Variants in TYW3 observed in about 807,000 individuals in gnomAD.
The protein encoded by TYW3 is tRNA-yW synthesizing protein 3 homolog.
In TYW3, 26 loss-of-function variants were observed where a neutral mutation model predicts 23.1. The observed-to-expected ratio is 1.13, with a 90% confidence interval of 0.83 to 1.56. The LOEUF (loss-of-function observed/expected upper bound fraction) is 1.56. TYW3 is among the 40% of genes most tolerant of loss of function. The probability of loss-of-function intolerance (pLI) is 0.00; values close to 1 mark genes in which losing one functional copy is unlikely to be tolerated. For synonymous variants in TYW3, 102 were observed against 105.7 expected (o/e 0.97, Z 0.21); for missense variants, 316 against 311.9 (o/e 1.01, Z -0.10).
intron 4 of TYW3, 67 bp downstream of exon 4, chr1:74,748,889 A>C: frequency 1.5e-6 from 2 of 1,369,980 alleles, no homozygotes; most frequent in Non-Finnish European, 2.1e-6. Context: ...TAACCTAATT[A>C]GACTCCTGCC....
intron 3 of TYW3, among the ~76,000 whole-genome samples, chr1:74,741,384 C>T (rs1002347017): frequency 2.7e-5 from 4 of 146,972 alleles, no homozygotes; most frequent in Non-Finnish European, 4.6e-5. Context: ...TCTTGGGACT[C>T]CTGAGCTGAT....
chr1:74,738,592 T>C (rs1648234332), intron 2 of TYW3, 98 bp from the exon 3 acceptor site: 7 of 733,502 alleles, frequency 9.5e-6, no homozygotes, highest in African/African-American at 1.8e-5. Flanking sequence ...TGAGTGATTC[T>C]GAAAATTTCT....
chr1:74,735,643 C>T (rs904592086), intron 1 of TYW3, among the ~76,000 whole-genome samples: 4 of 152,214 alleles, frequency 2.6e-5, no homozygotes, highest in Non-Finnish European at 5.9e-5. Context: ...AATCCCACCA[C>T]TAGATCCTGT....
At chr1:74,747,736 T>A (rs1282381545) in intron 3 of TYW3, among the ~76,000 whole-genome samples, 1 of 150,914 alleles carries the variant, frequency 6.6e-6, no homozygotes, top group African/African-American at 2.4e-5. Context: ...TACACATATA[T>A]ACACACACAT....
At chr1:74,733,567 A>T (rs1213593394) in intron 1 of TYW3, 149 bp downstream of exon 1, 2 of 1,434,996 alleles carry the variant, frequency 1.4e-6, no homozygotes, top group East Asian at 5.0e-5. Flanking sequence ...AATTTAGGGG[A>T]TTAGATCAGT....
At chr1:74,759,919 C>T (rs965895841) in intron 5 of TYW3, among the ~76,000 whole-genome samples, 3 of 152,162 alleles carry the variant, frequency 2.0e-5, no homozygotes, top group Admixed American at 6.5e-5. Flanking sequence ...GTTGGGATTA[C>T]ATGCATAAGC....
intron 3 of TYW3, among the ~76,000 whole-genome samples, chr1:74,742,212 G>A (rs1648385360): frequency 6.6e-6 from 1 of 152,196 alleles, no homozygotes; most frequent in Admixed American, 6.5e-5. Context: ...AGAGGCCTTA[G>A]GATGAACTAA....
intron 3 of TYW3, among the ~76,000 whole-genome samples, chr1:74,740,391 G>T (rs1648310938): frequency 6.6e-6 from 1 of 152,226 alleles, no homozygotes; most frequent in South Asian, 2.1e-4. Flanking sequence ...AGACTGAGCA[G>T]CAGCAAGATT....
chr1:74,763,787 C>T (rs548834018), intron 5 of TYW3, 107 bp from the exon 6 acceptor site: 3 of 729,040 alleles, frequency 4.1e-6, no homozygotes, highest in African/African-American at 1.8e-5. Context: ...ATTTATAAAG[C>T]TAATATGGGA....
At chr1:74,757,856 G>A (rs1257718572) in intron 5 of TYW3, among the ~76,000 whole-genome samples, 1 of 152,090 alleles carries the variant, frequency 6.6e-6, no homozygotes, top group African/African-American at 2.4e-5. Flanking sequence ...TTAAAAACGG[G>A]AGTCTTCCTG....
rs1649254312 is a variant in TYW3, at chr1:74,765,008, T to A, written c.*895T>A. On this transcript the variant is annotated 3_prime_UTR_variant, in exon 6 of 6. Transcript: ENST00000370867. Reference sequence around the variant, plus strand: ...AGTGTTTCCTTAATATGGCTGCATATCAGAATTACCTAGGTCAGGACGAGG... The same window carrying A: ...AGTGTTTCCTTAATATGGCTGCATAACAGAATTACCTAGGTCAGGACGAGG... 2 of 152,120 alleles carry A rather than the reference T, an allele frequency of 1.3e-5. No homozygotes were observed. The highest frequency in any genetic ancestry group is 6.6e-5 in the Admixed American group (1 of 15,250). The allele number at this position is 152,120 out of a possible 1,614,324, so 9.4% of individuals were successfully genotyped here.
At position 74,765,871 on chromosome 1, in the gene TYW3, G is replaced by T. The variant is rs1287954603; in HGVS notation, c.*1758G>T. ...CTGCTTCCTAATCTGTTTATATAAG[G>T]TATAGTATAGTATAATCTGTTTATA... On this transcript the variant is annotated 3_prime_UTR_variant, in exon 6 of 6. Transcript: ENST00000370867. The T allele has an allele frequency of 6.6e-6, 1 of 152,046 alleles. No homozygotes were observed. Among genetic ancestry groups the T allele is most frequent in the African/African-American group, 2.4e-5 (1 of 41,386 alleles). 9.4% of individuals were successfully genotyped at this position (152,046 alleles called of 1,614,324 possible).
intron 5 of TYW3, among the ~76,000 whole-genome samples, chr1:74,759,497 G>A (rs188208906): frequency 6.6e-6 from 1 of 151,236 alleles, no homozygotes; most frequent in East Asian, 2.0e-4. Flanking sequence ...TTATAAGCAT[G>A]AGCCACTGCA....
chr1:74,748,925 C>G, intron 4 of TYW3, 103 bp downstream of exon 4: 1 of 1,073,918 alleles, frequency 9.3e-7, no homozygotes, highest in Admixed American at 2.0e-5. Context: ...CTCAAATCTT[C>G]TTGCCATTCT....
At chr1:74,752,159 A>G in intron 4 of TYW3, 133 bp from the exon 5 acceptor site, 1 of 861,164 alleles carries the variant, frequency 1.2e-6, no homozygotes, top group Non-Finnish European at 1.7e-6. Flanking sequence ...GCTAAATTCT[A>G]TCAAAGCGCT....
At chr1:74,752,212 C>G in intron 4 of TYW3, 80 bp from the exon 5 acceptor site, 4 of 1,429,484 alleles carry the variant, frequency 2.8e-6, no homozygotes, top group Non-Finnish European at 3.8e-6. Context: ...TCAAACACAG[C>G]CCTGACGGGA....
intron 5 of TYW3, 95 bp downstream of exon 5, chr1:74,752,520 C>T (rs1333109363): frequency 5.6e-6 from 6 of 1,062,630 alleles, no homozygotes; most frequent in East Asian, 2.5e-5. Context: ...ATGCCAACTG[C>T]TTATCTATTT....
At position 74,738,652 on chromosome 1, in the gene TYW3, C is replaced by T. The variant is rs775960089; in HGVS notation, c.256-38C>T. The stretch of plus-strand genomic sequence containing the variant: ...GGTAAAGGGTCGCCAAAGGACAGGC[C>T]ATATACTTGCATCTGATACCACTGT... On this transcript the variant is annotated intron_variant, in intron 2 of 5. Transcript: ENST00000370867. 1.6e-5 allele frequency: 23 copies of T among 1,478,524 alleles called. No individual in the cohort carries two copies. In the Admixed American group the frequency reaches 3.5e-4, roughly 22 times the overall value. 91.6% of individuals were successfully genotyped at this position (1,478,524 alleles called of 1,614,324 possible).
intron 3 of TYW3, among the ~76,000 whole-genome samples, chr1:74,745,290 T>C (rs897259068): frequency 6.6e-6 from 1 of 150,644 alleles, no homozygotes; most frequent in Non-Finnish European, 1.5e-5. Flanking sequence ...CCTGAGCAGG[T>C]TGCCACTGCT....
Sources: gnomAD v4.1 joint callset for allele counts (sites outside exome capture counted in the v4.1 genomes callset) on GRCh38, gnomAD v4.1.1 for gene constraint, MANE v1.5 for transcripts, NCBI Gene and HGNC (gene_info 2026-07-23, HGNC 2026-07-21) for gene names.